Variants in CYP2A6 observed in about 807,000 individuals in gnomAD.
The protein encoded by CYP2A6 is cytochrome P450 2A6.
In CYP2A6, 27 loss-of-function variants were observed where a neutral mutation model predicts 42.3. The ratio of observed to expected loss-of-function variants is 0.64; its 90% confidence interval spans 0.47 to 0.88. The LOEUF (loss-of-function observed/expected upper bound fraction) is 0.88. Ranked by LOEUF, CYP2A6 falls within the 40% of genes least tolerant of loss-of-function variation. The pLI is 0.00. For missense variants in CYP2A6, 628 were observed against 646.0 expected (o/e 0.97, Z 0.30); for synonymous variants, 238 against 246.3 (o/e 0.97, Z 0.31).
In CYP2A6 at chr19:40,845,173, C is replaced by CT. The variant is rs932406508; in HGVS notation, c.1161+120dup. The CT allele has an allele frequency of 2.3e-6, 3 of 1,323,620 alleles. No individual in the cohort carries two copies. In the African/African-American group the frequency reaches 4.4e-5, roughly 20 times the overall value. 82.0% of individuals were successfully genotyped at this position (1,323,620 alleles called of 1,614,324 possible). Reference sequence around the variant, plus strand: ...GAACGGATGTGGTGGTTGGGGAAGTCTTTTTTGACTGATTGAGGGAGTGGG... The same window carrying CT: ...GAACGGATGTGGTGGTTGGGGAAGTCTTTTTTTGACTGATTGAGGGAGTGGG... On this transcript the variant is annotated intron_variant, in intron 7 of 8. Transcript: ENST00000301141.
chr19:40,844,898 T>A lies in CYP2A6; in HGVS notation c.1162-126A>T, dbSNP rs1345121755. On this transcript the variant is annotated intron_variant, in intron 7 of 8. Transcript: ENST00000301141. ...AGTGGCAGGCATGGAGGAGTTGGGG[T>A]CCTCTGATGGAGGAGCTTTGGGGGA... 26 of 1,273,800 alleles carry A rather than the reference T, an allele frequency of 2.0e-5. No homozygotes were observed. In the East Asian group the frequency reaches 2.1e-4, roughly 10 times the overall value. The allele number at this position is 1,273,800 out of a possible 1,614,324, so 78.9% of individuals were successfully genotyped here. A position where few individuals can be genotyped will look rare whatever the true frequency, so the allele number is the denominator to read the frequency against.
chr19:40,849,376 A>T (rs1967180330), intron 2 of CYP2A6, among the ~76,000 whole-genome samples: 3 of 151,536 alleles, frequency 2.0e-5, no homozygotes, highest in Non-Finnish European at 2.9e-5. Flanking sequence ...TTACCAGGAG[A>T]TGGAGGCTGA....
chr19:40,845,277 G>A lies in CYP2A6; in HGVS notation c.1161+17C>T, dbSNP rs2145120739. On this transcript the variant is annotated intron_variant, in intron 7 of 8. Transcript: ENST00000301141. Reference sequence around the variant, plus strand: ...GCTGGAAGTCCCCGTAGTCTGGGGGGTGGGGGCGGATAGCACCTTAGGGAG... The same window carrying A: ...GCTGGAAGTCCCCGTAGTCTGGGGGATGGGGGCGGATAGCACCTTAGGGAG... The A allele has an allele frequency of 7.4e-6, 12 of 1,611,382 alleles. 1 individual carries two copies. The highest frequency in any genetic ancestry group is 2.3e-5 in the East Asian group (1 of 43,360).
rs764214264 is a variant in CYP2A6 at position 40,849,885 on chromosome 19, C to T, written c.276G>A (p.Val92=). 2 of 1,611,632 alleles carry T rather than the reference C, an allele frequency of 1.2e-6. No individual in the cohort carries two copies. Among genetic ancestry groups the T allele is most frequent in the Non-Finnish European group, 1.7e-6 (2 of 1,179,776 alleles). ...CGHDAVREAL[V]DQAEEFSGRG... is the part of the protein sequence containing the mutation. ...GCCCGCTGAACTCCTCAGCCTGGTC[C>T]ACCAGAGCCTCCCTGACGGCATCAT... The change falls in exon 2 of 9, where the codon GTG becomes GTA. Residue 92 remains valine (V), a synonymous_variant. Coordinates refer to ENST00000301141, the MANE Select transcript of CYP2A6 (RefSeq NM_000762.6).
chr19:40,848,135 G>A, intron 4 of CYP2A6, 84 bp downstream of exon 4: 1 of 1,581,806 alleles, frequency 6.3e-7, no homozygotes, highest in Non-Finnish European at 8.6e-7. Flanking sequence ...GAGGGCGGTG[G>A]GAGTTTGGGG....
rs1967200707 is a variant in CYP2A6 at position 40,850,398 on chromosome 19, G to A, written c.29C>T (p.Ala10Val). 2 of 1,609,916 alleles carry A rather than the reference G, an allele frequency of 1.2e-6. No homozygotes were observed. Among genetic ancestry groups the A allele is most frequent in the Non-Finnish European group, 8.5e-7 (1 of 1,178,630 alleles). The change falls in exon 1 of 9, where the codon GCC becomes GTC. Residue 10 changes from alanine (A) to valine (V), a missense_variant. By Grantham distance (64) the Ala-to-Val change is moderately conservative. This residue lies in a region of CYP2A6 where 606 missense variants were observed against 568.1 expected (regional missense o/e 1.07). Coordinates refer to ENST00000301141, the MANE Select transcript of CYP2A6 (RefSeq NM_000762.6). Reference protein sequence around the residue: MLASGMLLVALLVCLTVMVL... With the variant: MLASGMLLVVLLVCLTVMVL... ...CATTACAGTCAGGCAGACCAGCAAG[G>A]CCACCAGAAGCATCCCTGAGGCCAG...
intron 2 of CYP2A6, 77 bp from the exon 3 acceptor site, chr19:40,848,840 C>G (rs1967150977): frequency 3.3e-6 from 5 of 1,518,336 alleles, no homozygotes; most frequent in African/African-American, 1.4e-5. Flanking sequence ...AAGGGGCTCC[C>G]CAAGGGTGGA....
Position 40,844,940 on chromosome 19 carries a change from C to T in CYP2A6, c.1162-168G>A. 3 of 897,794 alleles carry T rather than the reference C, an allele frequency of 3.3e-6. No homozygotes were observed. The South Asian group carries it at 5.5e-5, about 16-fold the overall frequency. 55.6% of individuals were successfully genotyped at this position (897,794 alleles called of 1,614,324 possible). On this transcript the variant is annotated intron_variant, in intron 7 of 8. Transcript: ENST00000301141. ...TTTGGGGGATAGAAGGTTCACATCT[C>T]TGAAACAGGAAGTTTGGGAGACATG...
In CYP2A6 at chr19:40,843,616, G is replaced by A; in HGVS notation, c.*180C>T. 3.9e-6 allele frequency: 4 copies of A among 1,019,044 alleles called. No individual in the cohort carries two copies. The South Asian group carries it at 5.3e-5, about 14-fold the overall frequency. The allele number at this position is 1,019,044 out of a possible 1,614,324, so 63.1% of individuals were successfully genotyped here. On this transcript the variant is annotated 3_prime_UTR_variant, in exon 9 of 9. Transcript: ENST00000301141. Reference sequence around the variant, plus strand: ...GGTTTCCTTCCTCTCATCCCAGCTCGGAAGCACCTTATCAAGGTGAACTGA... The same window carrying A: ...GGTTTCCTTCCTCTCATCCCAGCTCAGAAGCACCTTATCAAGGTGAACTGA...
intron 2 of CYP2A6, among the ~76,000 whole-genome samples, chr19:40,849,028 GAGAGAGAAGAGAGAGAGGAGAGAGAGA>G (rs1967167001): frequency 2.4e-5 from 1 of 41,368 alleles, no homozygotes; most frequent in Non-Finnish European, 5.6e-5. Context: ...AGAGGAGAGA[GAGAGAGAAGAGAGAGAGGAGAGAGAGA>G]GAGAGAGAGA....
rs1967134483 is a variant in CYP2A6, at chr19:40,848,250, A to C, written c.623T>G (p.Ile208Ser). The change falls in exon 4 of 9, where the codon ATC becomes AGC. Residue 208 changes from isoleucine (I) to serine (S), a missense_variant. By Grantham distance (142) the Ile-to-Ser change is moderately radical. Transcript: ENST00000301141. Reference sequence around the variant, plus strand: ...CGTGGAGGTTGACGTGAACTGGAAGATTCCTAGCATCATGCGCAACAGTGA... The same window carrying C: ...CGTGGAGGTTGACGTGAACTGGAAGCTTCCTAGCATCATGCGCAACAGTGA... ...FLSLLRMMLG[I>S]FQFTSTSTGQ... 2.5e-6 allele frequency: 4 copies of C among 1,611,780 alleles called. No individual in the cohort carries two copies. Among genetic ancestry groups the C allele is most frequent in the Middle Eastern group, 1.7e-4 (1 of 6,060 alleles).
chr19:40,844,767 G>A lies in CYP2A6; in HGVS notation c.1167C>T (p.Thr389=), dbSNP rs59389036. The part of the protein sequence containing the change: ...KFRDFFLPKG[T]EVYPMLGSVL... Reference sequence around the variant, plus strand: ...CAGAGCCCAGCATAGGGTACACTTCGGTGCCCTGGTAGGGAGGAGGAAGTT... The same window carrying A: ...CAGAGCCCAGCATAGGGTACACTTCAGTGCCCTGGTAGGGAGGAGGAAGTT... The change falls in exon 8 of 9, where the codon ACC becomes ACT. Residue 389 remains threonine (T), a synonymous_variant. Transcript: ENST00000301141. 1,211 of 1,610,644 alleles carry A rather than the reference G, an allele frequency of 7.5e-4. 18 individuals carry two copies. Among genetic ancestry groups the A allele is most frequent in the Middle Eastern group, 3.0e-3 (18 of 6,052 alleles).
At chr19:40,849,447 C>T (rs960588161) in intron 2 of CYP2A6, among the ~76,000 whole-genome samples, 8 of 150,948 alleles carry the variant, frequency 5.3e-5, no homozygotes, top group South Asian at 2.1e-4. Flanking sequence ...GAAAGGGATG[C>T]GGAGAGATGA....
intron 2 of CYP2A6, 143 bp from the exon 3 acceptor site, chr19:40,848,906 C>A: frequency 1.3e-6 from 1 of 774,700 alleles, no homozygotes; most frequent in Non-Finnish European, 1.9e-6. Flanking sequence ...CCCAGCAGAG[C>A]TGCAAACTCA....
chr19:40,846,060 T>G lies in CYP2A6; in HGVS notation c.869A>C (p.Asn290Thr). 1 of 1,611,150 alleles carries G rather than the reference T, an allele frequency of 6.2e-7. No individual in the cohort carries two copies. Among genetic ancestry groups the G allele is most frequent in the Non-Finnish European group, 8.5e-7 (1 of 1,179,744 alleles). Residue 290 changes from asparagine (N) to threonine (T), a missense_variant, in exon 6 of 9, where the codon AAC becomes ACC. Physicochemically the swap from Asn to Thr is moderately conservative, Grantham distance 65. Transcript: ENST00000301141. ...KNPNTEFYLK[N>T]LVMTTLNLFI... is the part of the protein sequence containing the mutation. The stretch of plus-strand genomic sequence containing the variant: ...GAGGTTCAACGTGGTCATCACCAGG[T>G]TTTTCAAGTAGAACTCCGTGTTGGG...
intron 4 of CYP2A6, among the ~76,000 whole-genome samples, chr19:40,847,995 C>G (rs1182520249): frequency 1.3e-5 from 2 of 151,752 alleles, no homozygotes; most frequent in African/African-American, 4.8e-5. Context: ...CCAGCAGGCT[C>G]TGTTTTGGGG....
intron 5 of CYP2A6, among the ~76,000 whole-genome samples, 184 bp from the exon 6 acceptor site, chr19:40,846,281 T>C (rs1198187201): frequency 2.0e-5 from 3 of 151,442 alleles, no homozygotes; most frequent in Non-Finnish European, 4.4e-5. Flanking sequence ...CAAAATGCTC[T>C]TCCTTCTCAC....
At chr19:40,850,109 A>T (rs1186091239) in intron 1 of CYP2A6, 129 bp from the exon 2 acceptor site, 1 of 1,529,694 alleles carries the variant, frequency 6.5e-7, no homozygotes, top group African/African-American at 1.4e-5. Context: ...ACATCCCAAG[A>T]TCCTGTCTTT....
Position 40,845,853 on chromosome 19 carries a change from C to T in CYP2A6, c.973+103G>A, listed in dbSNP as rs558957904. On this transcript the variant is annotated intron_variant, in intron 6 of 8. Transcript: ENST00000301141. ...TGCCCTGTCTCTGGACAGCAAGTCACGTCTCAGGGTCCCGGGATCTGGGAC... is the reference window on the plus strand; with the variant it reads ...TGCCCTGTCTCTGGACAGCAAGTCATGTCTCAGGGTCCCGGGATCTGGGAC... The T allele has an allele frequency of 4.0e-5, 61 of 1,517,888 alleles. 1 individual carries two copies. The East Asian group carries it at 4.1e-4, about 10-fold the overall frequency. The allele number at this position is 1,517,888 out of a possible 1,614,324, so 94.0% of individuals were successfully genotyped here.
Sources: allele counts gnomAD v4.1 joint callset (sites outside exome capture counted in the v4.1 genomes callset), GRCh38; gene constraint gnomAD v4.1.1; regional missense constraint gnomAD v4.1.1; transcripts MANE v1.5; gene names NCBI Gene and HGNC (gene_info 2026-07-23, HGNC 2026-07-21).